Variants in FMR1 observed in about 807,000 individuals in gnomAD.
The protein encoded by FMR1 is FMRP translational regulator 1.
Under a neutral mutation model 50.6 loss-of-function variants are expected in FMR1, and 13 were observed. The ratio of observed to expected loss-of-function variants is 0.26; its 90% CI spans 0.17 to 0.41. The LOEUF (loss-of-function observed/expected upper bound fraction) is 0.41, where lower values mean the gene tolerates loss of function less well. Ranked by LOEUF, FMR1 falls within the 10% of genes least tolerant of loss-of-function variation. The probability of loss-of-function intolerance (pLI) is 1.00; values close to 1 mark genes in which losing one functional copy is unlikely to be tolerated. For synonymous variants in FMR1, 138 were observed against 164.1 expected, an observed-to-expected ratio of 0.84 and a Z score of 1.22; for missense variants, 316 against 491.3, an observed-to-expected ratio of 0.64 and a Z score of 3.37.
intron 1 of FMR1, among the ~76,000 whole-genome samples, chrX:147,920,959 G>C (rs1383071704): frequency 8.9e-6 from 1 of 111,972 alleles, no homozygotes; most frequent in South Asian, 3.7e-4. Context: ...TTGAAGAAGT[G>C]GTGGGGCTGG....
At chrX:147,940,448 T>G in intron 12 of FMR1, 128 bp from the exon 13 acceptor site, 1 of 540,268 alleles carries the variant, frequency 1.9e-6, no homozygotes. Context: ...TATTGATTTA[T>G]ATTTACAGCA....
chrX:147,937,088 T>C (rs1408439465), intron 10 of FMR1, among the ~76,000 whole-genome samples: 3 of 111,429 alleles, frequency 2.7e-5, no homozygotes, highest in Non-Finnish European at 5.7e-5. Flanking sequence ...TAATATCTCT[T>C]CCCCATCCTC....
intron 14 of FMR1, chrX:147,944,572 C>T (rs1187191666): frequency 2.2e-6 from 2 of 922,355 alleles, no homozygotes; most frequent in Non-Finnish European, 2.7e-6. Context: ...TTTAAAGGAA[C>T]ACAGCTATTT....
chrX:147,918,710 C>T (rs1393859394), intron 1 of FMR1, among the ~76,000 whole-genome samples: 2 of 109,531 alleles, frequency 1.8e-5, no homozygotes, highest in Non-Finnish European at 3.8e-5. Context: ...CAAAATATAG[C>T]AATGTAGTAA....
chrX:147,926,482 CTTTA>C (rs1290569556), intron 3 of FMR1, among the ~76,000 whole-genome samples: 1 of 110,067 alleles, frequency 9.1e-6, no homozygotes, highest in Non-Finnish European at 1.9e-5. Context: ...TCCTTCAGTT[CTTTA>C]TTTATTTATT....
chrX:147,934,280 A>T (rs1348335377), intron 9 of FMR1, among the ~76,000 whole-genome samples: 2 of 109,703 alleles, frequency 1.8e-5, no homozygotes, highest in African/African-American at 6.7e-5. Flanking sequence ...AGATGGCATG[A>T]TGGTAGTGGG....
intron 3 of FMR1, 64 bp from the exon 4 acceptor site, chrX:147,928,258 G>A: frequency 2.9e-6 from 3 of 1,046,140 alleles, no homozygotes; most frequent in African/African-American, 1.9e-5. Context: ...CTCGATATCT[G>A]AAAATCTGTA....
At chrX:147,918,910 A>G (rs1602940820) in intron 1 of FMR1, among the ~76,000 whole-genome samples, 1 of 111,075 alleles carries the variant, frequency 9.0e-6, no homozygotes, top group Non-Finnish European at 1.9e-5. Flanking sequence ...GTAGTCGCAC[A>G]TGACCCGTGG....
At chrX:147,920,717 G>A (rs782530418) in intron 1 of FMR1, among the ~76,000 whole-genome samples, 4 of 112,012 alleles carry the variant, frequency 3.6e-5, no homozygotes, top group Non-Finnish European at 7.5e-5. Context: ...GTAGGGATAA[G>A]CATAGGATGC....
intron 14 of FMR1, 140 bp from the exon 15 acceptor site, chrX:147,944,729 A>G (rs782008600): frequency 2.9e-6 from 3 of 1,047,482 alleles, no homozygotes; most frequent in South Asian, 6.1e-5. Flanking sequence ...TATGAAATGG[A>G]AAGTGATAAT....
intron 13 of FMR1, among the ~76,000 whole-genome samples, chrX:147,942,765 T>G (rs2044051283): frequency 8.9e-6 from 1 of 112,562 alleles, no homozygotes; most frequent in African/African-American, 3.2e-5. Context: ...TATTCATACA[T>G]TTTAGCATGT....
intron 7 of FMR1, among the ~76,000 whole-genome samples, chrX:147,932,007 A>G (rs892169404): frequency 1.8e-5 from 2 of 111,783 alleles, no homozygotes; most frequent in African/African-American, 6.5e-5. Flanking sequence ...AGCGAATAAA[A>G]TTTTCTATAA....
Position 147,932,672 on chromosome X carries a change from C to T in FMR1, c.802-13C>T, listed in dbSNP as rs371420910. The T allele has an allele frequency of 3.6e-5, 43 of 1,201,533 alleles. No homozygotes were observed. Among genetic ancestry groups the T allele is most frequent in the Non-Finnish European group, 4.7e-5 (42 of 887,917 alleles). ...GCTAATCTTTTGTCTTAAAATGTTT[C>T]CCCTTTTATTAGGATCAGGATGCAG... On this transcript the variant is annotated splice_polypyrimidine_tract_variant and intron_variant, in intron 8 of 16. Transcript: ENST00000370475.
intron 1 of FMR1, among the ~76,000 whole-genome samples, chrX:147,916,685 C>G (rs1012270803): frequency 4.2e-5 from 4 of 95,508 alleles, no homozygotes; most frequent in African/African-American, 1.6e-4. Context: ...TTCTTTGTTT[C>G]TTTGGTTTGT....
In FMR1 at chrX:147,937,486, C is replaced by T; in HGVS notation, c.1011C>T (p.Ser337=). ...PQEEEIMPPN[S]LPSNNSRVGP... is the part of the protein sequence containing the mutation. ...CCAAGGAAATTATGCCACCAAATTC[C>T]CTTCCTTCCAATAATTCAAGGGTTG... The change falls in exon 11 of 17, where the codon TCC becomes TCT. Residue 337 remains serine, a synonymous_variant. Coordinates refer to ENST00000370475, the MANE Select transcript of FMR1 (RefSeq NM_002024.6). 8.3e-7 allele frequency: 1 copy of T among 1,203,406 alleles called. No homozygotes were observed. Among genetic ancestry groups the T allele is most frequent in the Non-Finnish European group, 1.1e-6 (1 of 889,040 alleles).
At chrX:147,936,792 G>A (rs2043803192) in intron 10 of FMR1, among the ~76,000 whole-genome samples, 179 bp downstream of exon 10, 1 of 111,880 alleles carries the variant, frequency 8.9e-6, no homozygotes, top group African/African-American at 3.2e-5. Flanking sequence ...CTCTAATGCA[G>A]TGAGTTTGGA....
intron 16 of FMR1, among the ~76,000 whole-genome samples, chrX:147,948,156 A>G (rs1557182500): frequency 1.8e-5 from 2 of 112,235 alleles, no homozygotes; most frequent in East Asian, 2.8e-4. Flanking sequence ...CTGTATGACT[A>G]TGGGAGCTCT....
intron 3 of FMR1, 60 bp downstream of exon 3, chrX:147,925,693 G>GTT: frequency 2.7e-6 from 2 of 737,398 alleles, no homozygotes; most frequent in South Asian, 2.2e-5. Context: ...ATTTATCTGT[G>GTT]TTTTTTTTTA....
chrX:147,928,244 T>C, intron 3 of FMR1, 78 bp from the exon 4 acceptor site: 1 of 955,939 alleles, frequency 1.0e-6, no homozygotes, highest in Non-Finnish European at 1.5e-6. Flanking sequence ...TTTAAGAAAA[T>C]TTCCTCGATA....
Sources: gnomAD v4.1 joint callset for allele counts (sites outside exome capture counted in the v4.1 genomes callset) on GRCh38, gnomAD v4.1.1 for gene constraint, MANE v1.5 for transcripts, NCBI Gene and HGNC (gene_info 2026-07-23, HGNC 2026-07-21) for gene names.